PRKAG3: variants seen among roughly 807,000 people sequenced by gnomAD.
The protein encoded by PRKAG3 is protein kinase AMP-activated non-catalytic subunit gamma 3.
In PRKAG3, 39 loss-of-function variants were observed where a neutral mutation model predicts 56.5. The ratio of observed to expected loss-of-function variants is 0.69; its 90% CI spans 0.53 to 0.90. The LOEUF (loss-of-function observed/expected upper bound fraction) is 0.90. Among genes scored for constraint, PRKAG3 ranks in the 40% least tolerant of loss-of-function variants. The pLI is 0.00. For missense variants in PRKAG3, 628 were observed against 627.5 expected, an observed-to-expected ratio of 1.00 and a Z score of -0.01; for synonymous variants, 243 against 250.1, an observed-to-expected ratio of 0.97 and a Z score of 0.27.
At chr2:218,831,111 A>G (rs1944013072) in intron 2 of PRKAG3, among the ~76,000 whole-genome samples, 1 of 152,204 alleles carries the variant, frequency 6.6e-6, no homozygotes. Context: ...GAGGTTAAGC[A>G]ATTTGCTGCA....
chr2:218,823,693 T>A, exon 13 of PRKAG3: 1 of 1,609,020 alleles, frequency 6.2e-7, no homozygotes, highest in Non-Finnish European at 8.5e-7. Flanking sequence ...AGATGAAGGC[T>A]GAGTTCTCCA....
In PRKAG3 at chr2:218,824,104, G is replaced by C. The variant is rs918701059; in HGVS notation, c.1353+118C>G. 27 of 1,518,942 alleles carry C rather than the reference G, an allele frequency of 1.8e-5. No homozygotes were observed. In the African/African-American group the frequency reaches 3.0e-4, roughly 17 times the overall value. 94.1% of individuals were successfully genotyped at this position (1,518,942 alleles called of 1,614,324 possible). A position where few individuals can be genotyped will look rare whatever the true frequency, so the allele number is the denominator to read the frequency against. On this transcript the variant is annotated intron_variant, in intron 12 of 12. Transcript: ENST00000529249. ...AGGTGCAGGCCAGTGTGGGCACCAG[G>C]AGTTGGTCATGAAATGGAAGGATAG...
At chr2:218,823,527 T>C in exon 13 of PRKAG3, 1 of 728,118 alleles carries the variant, frequency 1.4e-6, no homozygotes, top group Non-Finnish European at 2.1e-6. Context: ...ACACTTGCAG[T>C]TTTCACAGGG....
intron 5 of PRKAG3, 61 bp downstream of exon 5, chr2:218,828,458 A>T (rs988365795): frequency 8.8e-6 from 13 of 1,479,940 alleles, no homozygotes; most frequent in South Asian, 5.0e-5. Flanking sequence ...CCCCAGAACA[A>T]CCGTACAAGA....
downstream of PRKAG3, chr2:218,822,800 G>C: frequency 1.2e-6 from 1 of 829,810 alleles, no homozygotes; most frequent in Non-Finnish European, 1.5e-6. Context: ...GGGACTCCCA[G>C]GAGCTGAAGG....
Position 218,827,547 on chromosome 2 carries a change from G to C in PRKAG3, c.875+28C>G. On this transcript the variant is annotated intron_variant, in intron 8 of 12. Coordinates refer to ENST00000529249, the Ensembl canonical transcript of PRKAG3. The surrounding 1 kb of genome is among the most constrained non-coding windows in gnomAD (Gnocchi z 5.3). ...GGGAAGGGGACTGTGGGAGGAGGAG[G>C]CTCAGGTGAATGAGCAGAGACACCC... is the stretch of plus-strand genomic sequence containing the variant. The C allele has an allele frequency of 1.2e-6, 2 of 1,610,362 alleles. No homozygotes were observed. The highest frequency in any genetic ancestry group is 1.7e-6 in the Non-Finnish European group (2 of 1,176,704).
exon 13 of PRKAG3, chr2:218,823,616 G>T: frequency 6.5e-7 from 1 of 1,530,742 alleles, no homozygotes; most frequent in Non-Finnish European, 8.9e-7. Context: ...AGACTAAGAG[G>T]CTGGTGTCAT....
At chr2:218,830,301 G>C (rs767456561) in exon 4 of PRKAG3, 1 of 1,613,236 alleles carries the variant, frequency 6.2e-7, no homozygotes, top group Admixed American at 1.7e-5. Flanking sequence ...ACCCCGGCAG[G>C]ATCAGCTTGA....
Position 218,827,658 on chromosome 2 carries a change from G to C in PRKAG3, c.821-29C>G. Reference sequence around the variant, plus strand: ...CAGAAAGAGCCAGAGTCAGGCCAGGGGAGCCGGTCACCTGCCTCACCTTGC... The same window carrying C: ...CAGAAAGAGCCAGAGTCAGGCCAGGCGAGCCGGTCACCTGCCTCACCTTGC... On this transcript the variant is annotated intron_variant, in intron 7 of 12. Transcript: ENST00000529249. This position sits in a 1 kb window ranked among gnomAD's most constrained non-coding sequence, Gnocchi z 5.3. 1.2e-6 allele frequency: 2 copies of C among 1,612,556 alleles called. No homozygotes were observed. The highest frequency in any genetic ancestry group is 1.3e-5 in the African/African-American group (1 of 74,972).
Position 218,827,991 on chromosome 2 carries a change from G to A in PRKAG3, c.774+13C>T, listed in dbSNP as rs1943961436. On this transcript the variant is annotated intron_variant, in intron 6 of 12. Coordinates refer to ENST00000529249, the Ensembl canonical transcript of PRKAG3. The surrounding 1 kb of genome is among the most constrained non-coding windows in gnomAD (Gnocchi z 5.3). ...CCTCTGGGTGCCCATAAGATTCCCA[G>A]CCCACTCCTCACCAGGGGGGACCTG... is the stretch of plus-strand genomic sequence containing the variant. The A allele has an allele frequency of 6.3e-7, 1 of 1,579,830 alleles. No individual in the cohort carries two copies. Among genetic ancestry groups the A allele is most frequent in the East Asian group, 2.3e-5 (1 of 43,576 alleles).
chr2:218,828,641 G>T lies in PRKAG3; in HGVS notation c.634-41C>A, dbSNP rs1415661954. 5 of 1,558,046 alleles carry T rather than the reference G, an allele frequency of 3.2e-6. No homozygotes were observed. The Admixed American group carries it at 7.0e-5, about 22-fold the overall frequency. Reference sequence around the variant, plus strand: ...GAACAGTCAAGGGTGGGTCCCGAGAGACCCTCACCCCCCTCTCTGCCCCTC... The same window carrying T: ...GAACAGTCAAGGGTGGGTCCCGAGATACCCTCACCCCCCTCTCTGCCCCTC... On this transcript the variant is annotated intron_variant, in intron 4 of 12. Transcript: ENST00000529249.
chr2:218,826,313 T>C (rs1943932376), intron 10 of PRKAG3, among the ~76,000 whole-genome samples: 1 of 152,242 alleles, frequency 6.6e-6, no homozygotes, highest in African/African-American at 2.4e-5. Context: ...ATTATGGTGA[T>C]TTTAGCTTTG....
chr2:218,824,481 C>G, intron 11 of PRKAG3, 58 bp downstream of exon 11: 2 of 1,603,376 alleles, frequency 1.2e-6, no homozygotes, highest in Non-Finnish European at 8.5e-7. Flanking sequence ...AGAGGCCCCC[C>G]ACCCATCCCC....
chr2:218,822,602 A>G (rs1421386926), downstream of PRKAG3: 1 of 152,322 alleles, frequency 6.6e-6, no homozygotes, highest in African/African-American at 2.4e-5. Flanking sequence ...GACTAAGAAC[A>G]TGGCTCACTG....
In PRKAG3 at chr2:218,827,159, C is replaced by A; in HGVS notation, c.1003-66G>T. The A allele has an allele frequency of 6.2e-7, 1 of 1,612,874 alleles. No homozygotes were observed. The highest frequency in any genetic ancestry group is 2.2e-5 in the East Asian group (1 of 44,878). ...AGCTTCAAGAGGGCTCCCAGCTCTT[C>A]CCCACGACTGCTAGGGCTGAAGACT... On this transcript the variant is annotated intron_variant, in intron 9 of 12. Coordinates refer to ENST00000529249, the Ensembl canonical transcript of PRKAG3. This position sits in a 1 kb window ranked among gnomAD's most constrained non-coding sequence, Gnocchi z 5.3.
At chr2:218,828,542 T>C (rs1943971570) in exon 5 of PRKAG3, 1 of 1,613,624 alleles carries the variant, frequency 6.2e-7, no homozygotes, top group African/African-American at 1.3e-5. Context: ...CTTCTTGCTG[T>C]CCCATAGAGG....
At chr2:218,822,760 G>T, downstream of PRKAG3, 2 of 414,684 alleles carry the variant, frequency 4.8e-6, no homozygotes, top group Non-Finnish European at 6.5e-6. Context: ...GAGTAGGAGG[G>T]CAGTGGCGAC....
At chr2:218,830,423 C>A in intron 3 of PRKAG3, 42 bp from the exon 4 acceptor site, 1 of 1,580,746 alleles carries the variant, frequency 6.3e-7, no homozygotes, top group Non-Finnish European at 8.6e-7. Context: ...ACTCCATCTT[C>A]CAAAGCACGT....
In PRKAG3 at chr2:218,825,514, G is replaced by A. The variant is rs568801754; in HGVS notation, c.1169-938C>T. ...CCCCCAAAAATTAGCTGGGCGTGGT[G>A]TCATTTGCCTGTAATCCCAGCTACT... On this transcript the variant is annotated intron_variant, in intron 10 of 12. Coordinates refer to ENST00000529249, the Ensembl canonical transcript of PRKAG3. Among the ~76,000 whole-genome samples, 29 of 151,882 alleles carry A rather than the reference G, an allele frequency of 1.9e-4. No individual in the cohort carries two copies. In the South Asian group the frequency reaches 6.1e-3, roughly 32 times the overall value.
Sources: allele counts gnomAD v4.1 joint callset (sites outside exome capture counted in the v4.1 genomes callset), GRCh38; gene constraint gnomAD v4.1.1; non-coding constraint Gnocchi (gnomAD v3.1); transcripts MANE v1.5; gene names NCBI Gene and HGNC (gene_info 2026-07-23, HGNC 2026-07-21).